The following FAM200A variants were observed in gnomAD, a reference collection of about 807,000 sequenced individuals.
FAM200A encodes ZBED8 like.
Under a neutral mutation model 44.2 loss-of-function variants are expected in FAM200A, and 26 were observed. That is an observed-to-expected ratio of 0.59 (90% confidence interval 0.43 to 0.82). FAM200A has a LOEUF of 0.82. Among genes scored for constraint, FAM200A ranks in the 40% least tolerant of loss-of-function variants. FAM200A has a pLI of 0.00. For missense variants in FAM200A, 606 were observed against 669.5 expected (o/e 0.91, Z 1.05); for synonymous variants, 206 against 244.4 (o/e 0.84, Z 1.47).
At chr7:99,552,149 G>A, upstream of FAM200A, 2 of 985,482 alleles carry the variant, frequency 2.0e-6, no homozygotes, top group Non-Finnish European at 2.4e-6. Flanking sequence ...GCCTTCCGGA[G>A]CTGCGCTCCG....
rs780817519 is a variant in FAM200A at position 99,546,928 on chromosome 7, T to A, written c.1480A>T (p.Ser494Cys). Reference sequence around the variant, plus strand: ...ATCTTAATCCAAAATGCTGATAAACTTAATATCTTATAATAATTCTTTAGT... The same window carrying A: ...ATCTTAATCCAAAATGCTGATAAACATAATATCTTATAATAATTCTTTAGT... ...FTLKNYYKIL[S>C]LSAFWIKIKD... The change falls in exon 2 of 2, where the codon AGT becomes TGT. Residue 494 changes from serine (S) to cysteine (C), a missense_variant. Coordinates refer to ENST00000449309, the MANE Select transcript of FAM200A (RefSeq NM_145111.4). The A allele has an allele frequency of 1.3e-6, 2 of 1,549,108 alleles. No homozygotes were observed. The highest frequency in any genetic ancestry group is 2.4e-5 in the South Asian group (2 of 83,102).
chr7:99,553,967 A>T (rs963324669), upstream of FAM200A, among the ~76,000 whole-genome samples: 7 of 152,210 alleles, frequency 4.6e-5, no homozygotes, highest in African/African-American at 1.7e-4. Context: ...GTAAGCTCTC[A>T]GATGGTGGTG....
chr7:99,546,922 A>G lies in FAM200A; in HGVS notation c.1486T>C (p.Ser496Pro). ...LKNYYKILSL[S>P]AFWIKIKDDF... ...TCTTTAATCTTAATCCAAAATGCTG[A>G]TAAACTTAATATCTTATAATAATTC... Residue 496 changes from serine (S) to proline (P), a missense_variant, in exon 2 of 2, where the codon TCA becomes CCA. Physicochemically the swap from Ser to Pro is moderately conservative, Grantham distance 74. Coordinates refer to ENST00000449309, the MANE Select transcript of FAM200A (RefSeq NM_145111.4). 3 of 1,549,108 alleles carry G rather than the reference A, an allele frequency of 1.9e-6. No individual in the cohort carries two copies. Among genetic ancestry groups the G allele is most frequent in the Non-Finnish European group, 2.6e-6 (3 of 1,146,328 alleles).
upstream of FAM200A, among the ~76,000 whole-genome samples, chr7:99,553,068 C>CATATATATAT (rs745655559): frequency 4.5e-4 from 40 of 89,356 alleles, no homozygotes; most frequent in East Asian, 3.8e-3. Context: ...TATATACACA[C>CATATATATAT]ACATATATAT....
intron 1 of FAM200A, among the ~76,000 whole-genome samples, chr7:99,549,587 G>C (rs896127820): frequency 6.6e-6 from 1 of 152,146 alleles, no homozygotes; most frequent in African/African-American, 2.4e-5. Flanking sequence ...CTGCTATAAA[G>C]ACACATGCAC....
chr7:99,547,258 A>G lies in FAM200A; in HGVS notation c.1150T>C (p.Leu384=), dbSNP rs752222717. The G allele has an allele frequency of 6.4e-5, 100 of 1,551,298 alleles. 3 individuals carry two copies. The South Asian group carries it at 1.2e-3, about 18-fold the overall frequency. Residue 384 remains leucine, a synonymous_variant, in exon 2 of 2, where the codon TTG becomes CTG. Transcript: ENST00000449309. ...HILGFQKTLL[L]WQARLKSNRP... ...TTACTTTTAAGTCTTGCTTGCCACA[A>G]TAATAACGTCTTTTGGAATCCTAGA...
chr7:99,556,652 AT>A (rs1257964378), upstream of FAM200A, among the ~76,000 whole-genome samples: 2 of 152,176 alleles, frequency 1.3e-5, no homozygotes, highest in African/African-American at 4.8e-5. Flanking sequence ...AAGTATTCCA[AT>A]TTTATTCTTT....
Position 99,547,982 on chromosome 7 carries a change from G to C in FAM200A, c.426C>G (p.Ile142Met). The change falls in exon 2 of 2, where the codon ATC becomes ATG. Residue 142 changes from isoleucine to methionine, a missense_variant. Coordinates refer to ENST00000449309, the MANE Select transcript of FAM200A (RefSeq NM_145111.4). ...TRLQSGIDFA[I>M]QLDESTDIAS... is the part of the protein sequence containing the mutation. Reference sequence around the variant, plus strand: ...CAATATCAGTGCTCTCATCGAGTTGGATTGCAAAGTCTATACCGGACTGCA... The same window carrying C: ...CAATATCAGTGCTCTCATCGAGTTGCATTGCAAAGTCTATACCGGACTGCA... 9 of 1,551,386 alleles carry C rather than the reference G, an allele frequency of 5.8e-6. No individual in the cohort carries two copies. The highest frequency in any genetic ancestry group is 7.0e-6 in the Non-Finnish European group (8 of 1,146,986).
At chr7:99,549,101 A>C (rs1307326476) in intron 1 of FAM200A, among the ~76,000 whole-genome samples, 1 of 86,352 alleles carries the variant, frequency 1.2e-5, no homozygotes, top group Non-Finnish European at 2.4e-5. Context: ...AACAAAAAAA[A>C]CCATCAGGTA....
At chr7:99,549,428 G>C (rs921463279) in intron 1 of FAM200A, among the ~76,000 whole-genome samples, 2 of 152,164 alleles carry the variant, frequency 1.3e-5, no homozygotes, top group Non-Finnish European at 2.9e-5. Flanking sequence ...TGGAGAAATA[G>C]GAATACTTTT....
rs556724876 is a variant in FAM200A at position 99,547,565 on chromosome 7, G to A, written c.843C>T (p.Leu281=). ...CTCCAATCTCTGAACAAAATATTTCGAGAAGTCGGCTATTCAGTGAGCTTC... is the reference window on the plus strand; with the variant it reads ...CTCCAATCTCTGAACAAAATATTTCAAGAAGTCGGCTATTCAGTGAGCTTC... The part of the protein sequence containing the change: ...IKGSSLNSRL[L]EIFCSEIGVN... The change falls in exon 2 of 2, where the codon CTC becomes CTT. Residue 281 remains leucine (L), a synonymous_variant. Transcript: ENST00000449309. 5.2e-5 allele frequency: 80 copies of A among 1,550,974 alleles called. 1 individual carries two copies. The South Asian group carries it at 7.4e-4, about 14-fold the overall frequency.
chr7:99,548,826 G>A (rs954549683), intron 1 of FAM200A, among the ~76,000 whole-genome samples: 10 of 146,774 alleles, frequency 6.8e-5, no homozygotes, highest in Non-Finnish European at 1.2e-4. Context: ...TGAAGCGAGT[G>A]TCCTAAATAT....
chr7:99,553,099 A>ATATATATATATATAT (rs1254408398), upstream of FAM200A, among the ~76,000 whole-genome samples: 1 of 61,420 alleles, frequency 1.6e-5, no homozygotes, highest in Admixed American at 2.1e-4. Context: ...ATATATATAT[A>ATATATATATATATAT]TTTTTTTTTT....
At chr7:99,555,768 T>C (rs184425993), upstream of FAM200A, among the ~76,000 whole-genome samples, 105 of 152,166 alleles carry the variant, frequency 6.9e-4, no homozygotes, top group Non-Finnish European at 1.2e-3. Context: ...ATGCTGGGCA[T>C]GGTGGCGGGC....
At chr7:99,557,843 C>A (rs550486227) in intron 1 of FAM200A, among the ~76,000 whole-genome samples, 35 of 152,216 alleles carry the variant, frequency 2.3e-4, no homozygotes, top group Admixed American at 4.6e-4. Context: ...GAAGTTCCTT[C>A]CAAATCACTT....
Position 99,546,440 on chromosome 7 carries a change from C to T in FAM200A, c.*246G>A, listed in dbSNP as rs1802387022. On this transcript the variant is annotated 3_prime_UTR_variant, in exon 2 of 2. Transcript: ENST00000449309. ...CTGGAATGCAGTGGGATTATCTCAG[C>T]TCACTGCAATCTCTGCCTTCCTGGT... 2 of 362,464 alleles carry T rather than the reference C, an allele frequency of 5.5e-6. No individual in the cohort carries two copies. The highest frequency in any genetic ancestry group is 9.7e-6 in the Non-Finnish European group (2 of 205,422). 22.5% of individuals were successfully genotyped at this position (362,464 alleles called of 1,614,324 possible). A position where few individuals can be genotyped will look rare whatever the true frequency, so the allele number is the denominator to read the frequency against.
In FAM200A at chr7:99,546,849, A is replaced by C. The variant is rs1213558043; in HGVS notation, c.1559T>G (p.Phe520Cys). Residue 520 changes from phenylalanine to cysteine, a missense_variant, in exon 2 of 2, where the codon TTC becomes TGC. Transcript: ENST00000449309. ...SRKSILLLLPFTTTYLCELGF... is the reference protein window; with the variant it reads ...SRKSILLLLPCTTTYLCELGF... ...TAGTTCACACAAATATGTAGTTGTG[A>C]ATGGTAGTAACAGCAATATACTCTT... The C allele has an allele frequency of 6.4e-7, 1 of 1,551,534 alleles. No individual in the cohort carries two copies. Among genetic ancestry groups the C allele is most frequent in the Non-Finnish European group, 8.7e-7 (1 of 1,146,966 alleles).
At chr7:99,553,514 T>C (rs988991577), upstream of FAM200A, among the ~76,000 whole-genome samples, 1 of 152,158 alleles carries the variant, frequency 6.6e-6, no homozygotes, top group Non-Finnish European at 1.5e-5. Flanking sequence ...CTGGTGGTAT[T>C]CTGTTTTCAG....
Position 99,546,827 on chromosome 7 carries a change from T to C in FAM200A, c.1581A>G (p.Glu527=). ...LLPFTTTYLC[E]LGFSILTRLK... is the part of the protein sequence containing the mutation. Reference sequence around the variant, plus strand: ...ACCGTGTCAAGATTGAAAATCCTAGTTCACACAAATATGTAGTTGTGAATG... The same window carrying C: ...ACCGTGTCAAGATTGAAAATCCTAGCTCACACAAATATGTAGTTGTGAATG... Residue 527 remains glutamate (E), a synonymous_variant, in exon 2 of 2, where the codon GAA becomes GAG. Coordinates refer to ENST00000449309, the MANE Select transcript of FAM200A (RefSeq NM_145111.4). The C allele has an allele frequency of 6.4e-7, 1 of 1,551,700 alleles. No homozygotes were observed. Among genetic ancestry groups the C allele is most frequent in the African/African-American group, 1.4e-5 (1 of 73,190 alleles).
Sources: gnomAD v4.1 joint callset for allele counts (sites outside exome capture counted in the v4.1 genomes callset) on GRCh38, gnomAD v4.1.1 for gene constraint, MANE v1.5 for transcripts, NCBI Gene and HGNC (gene_info 2026-07-23, HGNC 2026-07-21) for gene names.